AP3B2: variants seen among roughly 807,000 people sequenced by gnomAD.
The protein encoded by AP3B2 is adaptor related protein complex 3 subunit beta 2.
In AP3B2, 50 loss-of-function variants were observed where a neutral mutation model predicts 126.9. That is an observed-to-expected ratio of 0.39 (90% CI 0.31 to 0.50). The LOEUF is 0.50. AP3B2 is among the 20% of genes least tolerant of loss of function. The pLI is 0.79. For synonymous variants in AP3B2, 541 were observed against 565.0 expected (o/e 0.96, Z 0.60); for missense variants, 1,177 against 1,426.4 (o/e 0.83, Z 2.82).
At chr15:82,663,471 G>C (rs961604343) in intron 21 of AP3B2, 89 bp downstream of exon 21, 1 of 1,448,286 alleles carries the variant, frequency 6.9e-7, no homozygotes, top group Non-Finnish European at 9.7e-7. Context: ...CACAAGACCT[G>C]AGGAACCCGA....
Position 82,680,629 on chromosome 15 carries a change from G to A in AP3B2, c.898C>T (p.Pro300Ser), listed in dbSNP as rs780144987. 2 of 1,596,080 alleles carry A rather than the reference G, an allele frequency of 1.3e-6. No individual in the cohort carries two copies. Among genetic ancestry groups the A allele is most frequent in the East Asian group, 2.2e-5 (1 of 44,704 alleles). The change falls in exon 8 of 27, where the codon CCC (proline) becomes TCC (serine). Residue 300 changes from proline to serine, a missense_variant. This residue lies in a region of AP3B2 where 103 missense variants were observed against 101.4 expected (regional missense o/e 1.02). Coordinates refer to ENST00000535359, the MANE Select transcript of AP3B2 (RefSeq NM_001278512.2). This position sits in a 1 kb window ranked among gnomAD's most constrained non-coding sequence, Gnocchi z 6.1. ...APSRKPYVMD[P>S]DHRLLLRNTK... ...TTGCGCAGCAGCAGCCGGTGGTCGGGGTCCATGACATAGGGCTTTCGGGAG... is the reference window on the plus strand; with the variant it reads ...TTGCGCAGCAGCAGCCGGTGGTCGGAGTCCATGACATAGGGCTTTCGGGAG...
chr15:82,683,055 T>TC (rs2048370212), intron 4 of AP3B2, among the ~76,000 whole-genome samples: 4 of 75,900 alleles, frequency 5.3e-5, no homozygotes, highest in African/African-American at 3.8e-4. Context: ...GAGTTTTTTT[T>TC]TTTTTTTTTT....
Position 82,677,645 on chromosome 15 carries a change from G to A in AP3B2, c.1378+26C>T, listed in dbSNP as rs369696538. On this transcript the variant is annotated intron_variant, in intron 12 of 26. Transcript: ENST00000535359. ...CAGGCAGACACCCTCTGATCATCACGGTTAGACACTCAGGGAAACACTGAC... is the reference window on the plus strand; with the variant it reads ...CAGGCAGACACCCTCTGATCATCACAGTTAGACACTCAGGGAAACACTGAC... 2.2e-5 allele frequency: 33 copies of A among 1,507,256 alleles called. No individual in the cohort carries two copies. The Admixed American group carries it at 2.4e-4, about 11-fold the overall frequency. 93.4% of individuals were successfully genotyped at this position (1,507,256 alleles called of 1,614,324 possible).
intron 4 of AP3B2, chr15:82,685,023 G>C (rs1262027226): frequency 2.0e-5 from 3 of 152,152 alleles, no homozygotes; most frequent in Non-Finnish European, 2.9e-5. Flanking sequence ...TTTCAATATT[G>C]TTGTGTCTCA....
chr15:82,691,794 A>AC, intron 1 of AP3B2: 1 of 1,513,628 alleles, frequency 6.6e-7, no homozygotes, highest in Non-Finnish European at 9.2e-7. Flanking sequence ...CGGCCCCTTG[A>AC]CCCAAACCGA....
chr15:82,704,592 T>C (rs566920496), intron 1 of AP3B2, among the ~76,000 whole-genome samples: 1 of 152,334 alleles, frequency 6.6e-6, no homozygotes, highest in Admixed American at 6.5e-5. Context: ...CTAAGCCTTG[T>C]CCCATCTGTG....
chr15:82,697,535 G>C (rs2048648003), intron 1 of AP3B2, among the ~76,000 whole-genome samples: 1 of 152,126 alleles, frequency 6.6e-6, no homozygotes, highest in Non-Finnish European at 1.5e-5. Flanking sequence ...GAACCAGACA[G>C]AACACGCAAC....
chr15:82,701,404 C>T (rs2048717571), intron 1 of AP3B2, among the ~76,000 whole-genome samples: 2 of 152,112 alleles, frequency 1.3e-5, no homozygotes, highest in South Asian at 4.2e-4. Flanking sequence ...TGGAGTCATA[C>T]ATTTTAAGAA....
At position 82,680,207 on chromosome 15, in the gene AP3B2, G is replaced by A. The variant is rs764996095; in HGVS notation, c.1078C>T (p.Gln360Ter). 6.2e-7 allele frequency: 1 copy of A among 1,613,586 alleles called. No individual in the cohort carries two copies. The highest frequency in any genetic ancestry group is 8.5e-7 in the Non-Finnish European group (1 of 1,179,788). Reference sequence around the variant, plus strand: ...TTGATGGACATGGTGGCCACGTTCTGGAGCACAACGTACTGCACCTCACTG... The same window carrying A: ...TTGATGGACATGGTGGCCACGTTCTAGAGCACAACGTACTGCACCTCACTG... ...SHSEVQYVVL[Q>*]NVATMSIKRR... is the part of the protein sequence containing the mutation. Residue 360 changes from glutamine to a stop codon, truncating the protein, a stop_gained, in exon 9 of 27, where the codon CAG (glutamine) becomes TAG (stop). Transcript: ENST00000535359. LOFTEE classifies it high-confidence loss of function. This position sits in a 1 kb window ranked among gnomAD's most constrained non-coding sequence, Gnocchi z 6.1.
At chr15:82,704,488 A>G (rs1034832917) in intron 1 of AP3B2, among the ~76,000 whole-genome samples, 7 of 152,202 alleles carry the variant, frequency 4.6e-5, no homozygotes, top group African/African-American at 1.4e-4. Flanking sequence ...GCAGCAGTCA[A>G]GCATTCCTAC....
At chr15:82,676,229 C>T (rs1660002682) in intron 14 of AP3B2, among the ~76,000 whole-genome samples, 1 of 152,212 alleles carries the variant, frequency 6.6e-6, no homozygotes. Context: ...TACTAGCAGA[C>T]TGGAGGTCAC....
intron 14 of AP3B2, among the ~76,000 whole-genome samples, chr15:82,669,001 CAT>C (rs1007581244): frequency 1.2e-4 from 19 of 152,328 alleles, no homozygotes; most frequent in Admixed American, 7.2e-4. Flanking sequence ...ACACATTACA[CAT>C]GAGTAAGTTT....
chr15:82,682,452 C>T (rs747171632), intron 4 of AP3B2, among the ~76,000 whole-genome samples: 16 of 152,150 alleles, frequency 1.1e-4, no homozygotes, highest in Non-Finnish European at 1.8e-4. Context: ...TGTCTTCCCA[C>T]TATCAGCAGC....
intron 1 of AP3B2, among the ~76,000 whole-genome samples, chr15:82,698,709 G>A (rs915080166): frequency 1.3e-5 from 2 of 152,010 alleles, no homozygotes; most frequent in African/African-American, 4.8e-5. Flanking sequence ...CGTGGAAGGA[G>A]GGCCAAGTTT....
At position 82,680,342 on chromosome 15, in the gene AP3B2, A is replaced by ACT; in HGVS notation, c.1056-114_1056-113insAG. 1 of 1,530,428 alleles carries ACT rather than the reference A, an allele frequency of 6.5e-7. No individual in the cohort carries two copies. Among genetic ancestry groups the ACT allele is most frequent in the South Asian group, 1.2e-5 (1 of 85,376 alleles). The allele number at this position is 1,530,428 out of a possible 1,614,324, so 94.8% of individuals were successfully genotyped here. Reference sequence around the variant, plus strand: ...CGGGGAGAGGACCAGTGCGGAGGGCAGGACTACGGTCAGTGTGGAGCGGGT... The same window carrying ACT: ...CGGGGAGAGGACCAGTGCGGAGGGCACTGGACTACGGTCAGTGTGGAGCGGGT... On this transcript the variant is annotated intron_variant, in intron 8 of 26. Coordinates refer to ENST00000535359, the MANE Select transcript of AP3B2 (RefSeq NM_001278512.2). This position sits in a 1 kb window ranked among gnomAD's most constrained non-coding sequence, Gnocchi z 6.1.
intron 1 of AP3B2, among the ~76,000 whole-genome samples, chr15:82,698,559 C>T (rs2048666890): frequency 6.6e-6 from 1 of 152,170 alleles, no homozygotes; most frequent in East Asian, 1.9e-4. Context: ...CCTCTCCAGT[C>T]TCATTCACCA....
intron 1 of AP3B2, among the ~76,000 whole-genome samples, chr15:82,700,327 A>G (rs1035667705): frequency 3.6e-5 from 5 of 140,430 alleles, no homozygotes; most frequent in East Asian, 2.2e-4. Context: ...TATCCCTCCA[A>G]CTGCTCTCAC....
chr15:82,709,276 G>A (rs531005938), intron 1 of AP3B2, among the ~76,000 whole-genome samples: 11 of 152,280 alleles, frequency 7.2e-5, no homozygotes, highest in Admixed American at 6.5e-4. Context: ...GAAAAAGGAA[G>A]GGAACCCCTA....
chr15:82,659,289 A>G lies in AP3B2; in HGVS notation c.*271T>C, dbSNP rs2151424813. The G allele has an allele frequency of 2.6e-6, 1 of 383,728 alleles. No homozygotes were observed. Among genetic ancestry groups the G allele is most frequent in the East Asian group, 4.6e-5 (1 of 21,748 alleles). 23.8% of individuals were successfully genotyped at this position (383,728 alleles called of 1,614,324 possible). ...AAAGGTGAGCCAGCAGCTAGAGAGA[A>G]GACATTTTATTGAGCCTGCTACATA... is the stretch of plus-strand genomic sequence containing the variant. On this transcript the variant is annotated 3_prime_UTR_variant, in exon 27 of 27. Coordinates refer to ENST00000535359, the MANE Select transcript of AP3B2 (RefSeq NM_001278512.2).
Sources: gnomAD v4.1 joint callset for allele counts (sites outside exome capture counted in the v4.1 genomes callset) on GRCh38, gnomAD v4.1.1 for gene constraint, gnomAD v4.1.1 regional missense constraint, Gnocchi (gnomAD v3.1) non-coding constraint, MANE v1.5 for transcripts, NCBI Gene and HGNC (gene_info 2026-07-23, HGNC 2026-07-21) for gene names.